NRG1: variants seen among roughly 807,000 people sequenced by gnomAD.
NRG1 encodes neuregulin 1.
In NRG1, 18 loss-of-function variants were observed where a neutral mutation model predicts 63.8. The observed-to-expected ratio is 0.28, with a 90% CI of 0.19 to 0.42. The LOEUF (loss-of-function observed/expected upper bound fraction) is 0.42. Among genes scored for constraint, NRG1 ranks in the 10% least tolerant of loss-of-function variants. The pLI, the probability that NRG1 is intolerant of heterozygous loss-of-function variation, is 1.00. For missense variants in NRG1, 762 were observed against 814.7 expected, an observed-to-expected ratio of 0.94 and a Z score of 0.79; for synonymous variants, 302 against 301.3, an observed-to-expected ratio of 1.00 and a Z score of -0.02.
chr8:32,310,295 A>C (rs903461487), intron 1 of NRG1, among the ~76,000 whole-genome samples: 3 of 152,210 alleles, frequency 2.0e-5, no homozygotes, highest in Admixed American at 1.3e-4. Flanking sequence ...CTGATATCCT[A>C]TTCATGGGCT....
intron 1 of NRG1, among the ~76,000 whole-genome samples, chr8:31,810,565 A>G (rs551008522): frequency 1.2e-4 from 18 of 152,202 alleles, no homozygotes; most frequent in African/African-American, 4.1e-4. Flanking sequence ...CTCACCTAGT[A>G]GCTCTTTCTC....
chr8:32,670,244 G>T (rs1203002916), intron 5 of NRG1, among the ~76,000 whole-genome samples: 1 of 152,144 alleles, frequency 6.6e-6, no homozygotes, highest in Admixed American at 6.5e-5. Flanking sequence ...GATGTATTTA[G>T]GGTTTGAGGT....
intron 1 of NRG1, among the ~76,000 whole-genome samples, chr8:31,991,826 A>G (rs1187661755): frequency 2.0e-5 from 3 of 151,742 alleles, no homozygotes; most frequent in Non-Finnish European, 4.4e-5. Context: ...CCAAGATGAT[A>G]TTTACCTGCA....
At chr8:31,746,281 CTAATT>C (rs1815854181) in intron 1 of NRG1, among the ~76,000 whole-genome samples, 1 of 151,908 alleles carries the variant, frequency 6.6e-6, no homozygotes, top group Non-Finnish European at 1.5e-5. Context: ...AACTGCTTTG[CTAATT>C]TAAGTGTTTG....
At chr8:31,748,945 G>T (rs962073253) in intron 1 of NRG1, among the ~76,000 whole-genome samples, 1 of 151,800 alleles carries the variant, frequency 6.6e-6, no homozygotes, top group Non-Finnish European at 1.5e-5. Flanking sequence ...AAATGCAAAG[G>T]TTTTTGCATA....
chr8:32,459,866 T>C (rs1822099945), intron 1 of NRG1, among the ~76,000 whole-genome samples: 1 of 152,244 alleles, frequency 6.6e-6, no homozygotes, highest in Admixed American at 6.5e-5. Context: ...TCCTCAGATC[T>C]GCAAAAGATT....
chr8:31,742,214 TAA>T (rs1563349159), intron 1 of NRG1, among the ~76,000 whole-genome samples: 1 of 151,792 alleles, frequency 6.6e-6, no homozygotes, highest in African/African-American at 2.4e-5. Flanking sequence ...GGAGAATGAT[TAA>T]AAGAGATTCA....
At chr8:31,802,534 G>T (rs1447305110) in intron 1 of NRG1, among the ~76,000 whole-genome samples, 1 of 152,116 alleles carries the variant, frequency 6.6e-6, no homozygotes, top group Non-Finnish European at 1.5e-5. Context: ...TATCTAGTAG[G>T]AGTTATTTAC....
At chr8:31,761,800 G>A (rs1228561414) in intron 1 of NRG1, among the ~76,000 whole-genome samples, 1 of 152,186 alleles carries the variant, frequency 6.6e-6, no homozygotes, top group African/African-American at 2.4e-5. Context: ...TTGCCAAAAT[G>A]TGACACGGAG....
At chr8:31,990,597 GTTTTC>G (rs1001640373) in intron 1 of NRG1, among the ~76,000 whole-genome samples, 3 of 152,008 alleles carry the variant, frequency 2.0e-5, no homozygotes, top group Admixed American at 6.6e-5. Flanking sequence ...TTCTTTGTTT[GTTTTC>G]TTTATTTGAC....
At chr8:32,046,201 A>T (rs1820968798) in intron 1 of NRG1, among the ~76,000 whole-genome samples, 1 of 152,098 alleles carries the variant, frequency 6.6e-6, no homozygotes, top group South Asian at 2.1e-4. Context: ...GTGCAACATC[A>T]TTAGCTTAAC....
chr8:32,425,741 T>C (rs886312159), intron 1 of NRG1, among the ~76,000 whole-genome samples: 7 of 152,198 alleles, frequency 4.6e-5, no homozygotes, highest in Non-Finnish European at 8.8e-5. Context: ...GACTAGGTAG[T>C]AATTGGTCCC....
intron 1 of NRG1, among the ~76,000 whole-genome samples, chr8:31,840,901 G>T (rs1826141182): frequency 6.6e-6 from 1 of 152,016 alleles, no homozygotes; most frequent in South Asian, 2.1e-4. Context: ...TTTTTTTTAG[G>T]CTTGGCCTAT....
intron 1 of NRG1, among the ~76,000 whole-genome samples, chr8:31,929,395 G>A (rs1834680645): frequency 6.6e-6 from 1 of 151,798 alleles, no homozygotes; most frequent in Non-Finnish European, 1.5e-5. Context: ...TTATAATTTG[G>A]ATTTTTGAAT....
intron 1 of NRG1, among the ~76,000 whole-genome samples, chr8:32,091,745 C>T (rs959522739): frequency 3.9e-5 from 6 of 152,128 alleles, no homozygotes; most frequent in African/African-American, 1.4e-4. Flanking sequence ...ACAGGAAGTA[C>T]TGAGATCTGA....
chr8:31,665,223 T>C (rs1262704725), intron 1 of NRG1, among the ~76,000 whole-genome samples: 1 of 152,134 alleles, frequency 6.6e-6, no homozygotes, highest in Admixed American at 6.5e-5. Flanking sequence ...AAAGTATAAA[T>C]ATATGACCCA....
In NRG1 at chr8:31,883,813, C is replaced by T. The variant is rs1357633695; in HGVS notation, c.37+244382C>T. ...AAGAATCCCAGCCACCACAGATAGA[C>T]TGTTTTTCCTTATTTAAATGCTTTA... On this transcript the variant is annotated intron_variant, in intron 1 of 10. Coordinates refer to the NRG1 transcript ENST00000519301. 2.6e-5 allele frequency among the ~76,000 whole-genome samples: 4 copies of T among 152,192 alleles called. No individual in the cohort carries two copies. In the East Asian group the frequency reaches 7.7e-4, roughly 29 times the overall value.
intron 1 of NRG1, among the ~76,000 whole-genome samples, chr8:32,140,801 TCA>T (rs1335338286): frequency 1.3e-5 from 2 of 152,132 alleles, no homozygotes; most frequent in Non-Finnish European, 2.9e-5. Flanking sequence ...GTACTTTAAG[TCA>T]CAACTCAGGG....
chr8:31,681,152 T>TA (rs1808305000), intron 1 of NRG1, among the ~76,000 whole-genome samples: 2 of 151,878 alleles, frequency 1.3e-5, no homozygotes, highest in East Asian at 1.9e-4. Context: ...ACATCACACA[T>TA]AAAAAAATCA....
Sources: gnomAD v4.1 joint callset for allele counts (sites outside exome capture counted in the v4.1 genomes callset) on GRCh38, gnomAD v4.1.1 for gene constraint, MANE v1.5 for transcripts, NCBI Gene and HGNC (gene_info 2026-07-23, HGNC 2026-07-21) for gene names.